The following TF variants were observed in gnomAD, a reference collection of about 807,000 sequenced individuals.
The protein encoded by TF is transferrin, also known as serotransferrin.
A neutral mutation model predicts 82.4 loss-of-function variants in TF; 55 were observed. The ratio of observed to expected loss-of-function variants is 0.67; its 90% CI spans 0.54 to 0.84. The LOEUF (loss-of-function observed/expected upper bound fraction) is 0.84, where lower values mean the gene tolerates loss of function less well. Ranked by LOEUF, TF falls within the 40% of genes least tolerant of loss-of-function variation. The pLI, the probability that TF is intolerant of heterozygous loss-of-function variation, is 0.00. For synonymous variants in TF, 332 were observed against 332.6 expected (o/e 1.00, Z 0.02); for missense variants, 737 against 868.4 (o/e 0.85, Z 1.90).
upstream of TF, among the ~76,000 whole-genome samples, chr3:133,741,774 T>C (rs1447999896): frequency 1.3e-5 from 2 of 152,384 alleles, no homozygotes; most frequent in South Asian, 2.1e-4. Context: ...CCCAATTTGG[T>C]AATTATTTAT....
At chr3:133,767,567 T>G (rs1576364645) in intron 12 of TF, among the ~76,000 whole-genome samples, 1 of 152,268 alleles carries the variant, frequency 6.6e-6, no homozygotes, top group East Asian at 1.9e-4. Flanking sequence ...CTCCTAGCAC[T>G]TTTATGGCCA....
the TF span, among the ~76,000 whole-genome samples, chr3:133,721,269 T>C: frequency 4.3e-4 from 65 of 152,268 alleles, 1 homozygote; most frequent in East Asian, 0.012. Context: ...CTGTGTCTCA[T>C]AGGTTTTAGT....
At chr3:133,775,292 C>A (rs959699658) in intron 14 of TF, 141 bp from the exon 15 acceptor site, 4 of 813,406 alleles carry the variant, frequency 4.9e-6, no homozygotes, top group Non-Finnish European at 8.4e-6. Flanking sequence ...CTCTTCCTGT[C>A]CACATCACTG....
the TF span, among the ~76,000 whole-genome samples, chr3:133,724,127 T>C: frequency 6.6e-6 from 1 of 152,322 alleles, no homozygotes; most frequent in Middle Eastern, 3.4e-3. Context: ...CGTGTGCATG[T>C]GTCTTTATAG....
At chr3:133,721,505 G>C in the TF span, among the ~76,000 whole-genome samples, 1 of 152,172 alleles carries the variant, frequency 6.6e-6, no homozygotes, top group African/African-American at 2.4e-5. Context: ...GTGGCCTAAT[G>C]TGATATATCC....
rs1306622692 is a variant in TF at position 133,753,580 on chromosome 3, C to T, written c.217-15C>T. The stretch of plus-strand genomic sequence containing the variant: ...AAGTCAAGGCTTCATCCAGGACTGG[C>T]CTGTTCTCTTTCAGGCAAACGAAGC... On this transcript the variant is annotated splice_polypyrimidine_tract_variant and intron_variant, in intron 2 of 16. Coordinates refer to ENST00000402696, the MANE Select transcript of TF (RefSeq NM_001063.4). 2 of 1,611,678 alleles carry T rather than the reference C, an allele frequency of 1.2e-6. No homozygotes were observed. Among genetic ancestry groups the T allele is most frequent in the African/African-American group, 2.7e-5 (2 of 74,848 alleles).
At chr3:133,743,998 G>C (rs938696731), upstream of TF, among the ~76,000 whole-genome samples, 1 of 152,240 alleles carries the variant, frequency 6.6e-6, no homozygotes, top group Non-Finnish European at 1.5e-5. Flanking sequence ...TCTCCATCTA[G>C]GTGTGTGTAG....
chr3:133,715,265 C>T, the TF span, among the ~76,000 whole-genome samples: 1 of 152,176 alleles, frequency 6.6e-6, no homozygotes, highest in Non-Finnish European at 1.5e-5. Context: ...ACCTTTCATA[C>T]CTTTGTTTCC....
intron 5 of TF, 77 bp from the exon 6 acceptor site, chr3:133,756,205 C>T: frequency 1.4e-6 from 2 of 1,402,540 alleles, no homozygotes; most frequent in East Asian, 2.3e-5. Flanking sequence ...GAGTGCTGGA[C>T]AGTGTGATCA....
chr3:133,662,136 A>C, the TF span: 1 of 152,272 alleles, frequency 6.6e-6, no homozygotes. Flanking sequence ...GAGTAGGCCC[A>C]GCGCCGTCGG....
chr3:133,746,155 A>G (rs1933491382), upstream of TF: 1 of 537,190 alleles, frequency 1.9e-6, no homozygotes, highest in African/African-American at 1.9e-5. Context: ...AGCCGCGATG[A>G]CAATGGCTGC....
chr3:133,707,500 A>C, the TF span: 2 of 152,332 alleles, frequency 1.3e-5, no homozygotes, highest in South Asian at 4.2e-4. Context: ...CAGTCACTCC[A>C]GGAGGGGTTC....
chr3:133,738,101 A>G, the TF span, among the ~76,000 whole-genome samples: 22 of 152,326 alleles, frequency 1.4e-4, no homozygotes, highest in African/African-American at 5.3e-4. Context: ...GCACATCAAA[A>G]AGTTTATCCA....
the TF span, among the ~76,000 whole-genome samples, chr3:133,684,418 G>T: frequency 1.0e-4 from 15 of 143,256 alleles, no homozygotes; most frequent in African/African-American, 3.9e-4. Flanking sequence ...TCCAGGAGCT[G>T]GTTTTTTGAA....
At chr3:133,757,092 C>T (rs1933859326) in intron 7 of TF, 83 bp downstream of exon 7, 1 of 1,568,732 alleles carries the variant, frequency 6.4e-7, no homozygotes, top group Non-Finnish European at 8.8e-7. Context: ...TCTTGTCACT[C>T]TGGAAGTCTG....
intron 8 of TF, 88 bp from the exon 9 acceptor site, chr3:133,759,087 C>T (rs766152197): frequency 1.3e-6 from 2 of 1,535,872 alleles, no homozygotes; most frequent in Non-Finnish European, 1.8e-6. Flanking sequence ...CAAATCCCAG[C>T]ATTTGCATGA....
the TF span, among the ~76,000 whole-genome samples, chr3:133,733,875 A>AC: frequency 3.7e-5 from 1 of 27,318 alleles, no homozygotes; most frequent in East Asian, 3.3e-3. Context: ...AACAAAAAAA[A>AC]AAAAAACATG....
rs367635811 is a variant in TF at position 133,755,402 on chromosome 3, C to A, written c.542C>A (p.Ala181Glu). 7 of 1,614,088 alleles carry A rather than the reference C, an allele frequency of 4.3e-6. No individual in the cohort carries two copies. The African/African-American group carries it at 8.0e-5, about 18-fold the overall frequency. ...TTCTCGGGCAGCTGTGCCCCTTGTG[C>A]GGATGGGACGGACTTCCCCCAGCTG... The part of the protein sequence containing the change: ...NFFSGSCAPC[A>E]DGTDFPQLCQ... The change falls in exon 5 of 17, where the codon GCG (alanine) becomes GAG (glutamate). Residue 181 changes from alanine to glutamate, a missense_variant. Coordinates refer to ENST00000402696, the MANE Select transcript of TF (RefSeq NM_001063.4).
At chr3:133,711,977 T>A in the TF span, among the ~76,000 whole-genome samples, 7 of 152,070 alleles carry the variant, frequency 4.6e-5, no homozygotes, top group East Asian at 1.4e-3. Context: ...GGAGGGCTCT[T>A]CCCCTCCACT....
Sources: allele counts gnomAD v4.1 joint callset (sites outside exome capture counted in the v4.1 genomes callset), GRCh38; gene constraint gnomAD v4.1.1; transcripts MANE v1.5; gene names NCBI Gene and HGNC (gene_info 2026-07-23, HGNC 2026-07-21).